PPP4R3A: variants seen among roughly 807,000 people sequenced by gnomAD.
PPP4R3A encodes the protein protein phosphatase 4 regulatory subunit 3A.
PPP4R3A carries 15 observed loss-of-function variants against 91.7 expected under a neutral mutation model. The ratio of observed to expected loss-of-function variants is 0.16; its 90% CI spans 0.11 to 0.25. The LOEUF is 0.25. Among genes scored for constraint, PPP4R3A ranks in the 10% least tolerant of loss-of-function variants. PPP4R3A has a pLI of 1.00. For missense variants in PPP4R3A, 623 were observed against 998.4 expected, an observed-to-expected ratio of 0.62 and a Z score of 5.07; for synonymous variants, 377 against 348.7, an observed-to-expected ratio of 1.08 and a Z score of -0.91.
Position 91,465,232 on chromosome 14 carries a change from T to G in PPP4R3A, c.1830+18A>C. The G allele has an allele frequency of 2.0e-6, 3 of 1,473,338 alleles. No individual in the cohort carries two copies. The highest frequency in any genetic ancestry group is 2.7e-6 in the Non-Finnish European group (3 of 1,110,048). The allele number at this position is 1,473,338 out of a possible 1,614,324, so 91.3% of individuals were successfully genotyped here. Reference sequence around the variant, plus strand: ...AAACAATTAAAATGAAAATTCTAATTAAAAATACAGAACCTACCACTCTAA... The same window carrying G: ...AAACAATTAAAATGAAAATTCTAATGAAAAATACAGAACCTACCACTCTAA... On this transcript the variant is annotated intron_variant, in intron 11 of 14. Transcript: ENST00000554943.
chr14:91,469,720 C>T (rs1421206082), intron 10 of PPP4R3A, among the ~76,000 whole-genome samples: 1 of 151,974 alleles, frequency 6.6e-6, no homozygotes, highest in East Asian at 1.9e-4. Flanking sequence ...AGGCGTGCAC[C>T]ACCACACCCA....
At chr14:91,464,558 G>A (rs1159691479) in intron 11 of PPP4R3A, among the ~76,000 whole-genome samples, 1 of 151,984 alleles carries the variant, frequency 6.6e-6, no homozygotes, top group African/African-American at 2.4e-5. Flanking sequence ...GAGCCCAGCT[G>A]GGCAACATAG....
At chr14:91,477,623 C>T (rs1465341782) in intron 4 of PPP4R3A, among the ~76,000 whole-genome samples, 1 of 152,178 alleles carries the variant, frequency 6.6e-6, no homozygotes, top group Non-Finnish European at 1.5e-5. Flanking sequence ...TTTCTCATCA[C>T]TATTTTTTCA....
At chr14:91,507,624 T>TATATATATA (rs1216080116) in intron 1 of PPP4R3A, among the ~76,000 whole-genome samples, 2 of 40,690 alleles carry the variant, frequency 4.9e-5, no homozygotes, top group African/African-American at 2.0e-4. Context: ...ATATATACTA[T>TATATATATA]TATATATACT....
At chr14:91,475,709 C>T in intron 7 of PPP4R3A, 102 bp downstream of exon 7, 1 of 1,196,488 alleles carries the variant, frequency 8.4e-7, no homozygotes, top group East Asian at 2.6e-5. Flanking sequence ...ATTATGGCTA[C>T]ACTTTTCCCA....
At chr14:91,484,778 G>A in intron 3 of PPP4R3A, among the ~76,000 whole-genome samples, 1 of 152,128 alleles carries the variant, frequency 6.6e-6, no homozygotes, top group East Asian at 1.9e-4. Context: ...GGAATCTGGT[G>A]AAGATTATTC....
At chr14:91,468,398 C>A (rs538165409) in intron 10 of PPP4R3A, among the ~76,000 whole-genome samples, 1 of 152,168 alleles carries the variant, frequency 6.6e-6, no homozygotes, top group East Asian at 1.9e-4. Context: ...GTAGGCTGGG[C>A]GCCATGGCTC....
intron 6 of PPP4R3A, 29 bp from the exon 7 acceptor site, chr14:91,475,995 G>C: frequency 6.6e-7 from 1 of 1,509,824 alleles, no homozygotes; most frequent in Non-Finnish European, 8.8e-7. Context: ...TATTTTTCCT[G>C]TATTTATAAA....
In PPP4R3A at chr14:91,473,449, G is replaced by A. The variant is rs150274806; in HGVS notation, c.1267-79C>T. ...AGCAAAAACTAAGACACATACCACA[G>A]CATTATACCTAGGCTCTAGCTGTTT... On this transcript the variant is annotated intron_variant, in intron 7 of 14. Transcript: ENST00000554943. 527 of 1,431,656 alleles carry A rather than the reference G, an allele frequency of 3.7e-4. 1 individual carries two copies. The highest frequency in any genetic ancestry group is 3.1e-3 in the Middle Eastern group (12 of 3,926). 88.7% of individuals were successfully genotyped at this position (1,431,656 alleles called of 1,614,324 possible). A position where few individuals can be genotyped will look rare whatever the true frequency, so the allele number is the denominator to read the frequency against.
chr14:91,490,919 T>TTA, intron 1 of PPP4R3A, 117 bp from the exon 2 acceptor site: 2 of 379,118 alleles, frequency 5.3e-6, no homozygotes, highest in Non-Finnish European at 8.5e-6. Context: ...TTTTTTTTTT[T>TTA]AATGAGACAG....
chr14:91,468,667 CAAAAAAAAAAAA>C (rs766250846), intron 10 of PPP4R3A, among the ~76,000 whole-genome samples: 3 of 45,050 alleles, frequency 6.7e-5, no homozygotes, highest in Non-Finnish European at 6.7e-5. Context: ...GACTCCGTCT[CAAAAAAAAAAAA>C]AAAAAAAAAA....
intron 3 of PPP4R3A, 46 bp downstream of exon 3, chr14:91,485,586 T>G (rs1490790423): frequency 1.4e-6 from 2 of 1,394,056 alleles, no homozygotes; most frequent in Non-Finnish European, 2.0e-6. Context: ...GGCAAAAAAC[T>G]AAACACTTAA....
rs1888967030 is a variant in PPP4R3A, at chr14:91,473,358, T to C, written c.1279A>G (p.Ile427Val). The change falls in exon 8 of 15, where the codon ATC becomes GTC. Residue 427 changes from isoleucine (I) to valine (V), a missense_variant. By Grantham distance (29) the Ile-to-Val change is conservative (BLOSUM62 3). This residue lies in a region of PPP4R3A where 264 missense variants were observed against 377.3 expected (regional missense o/e 0.70). Coordinates refer to ENST00000554943, the MANE Select transcript of PPP4R3A (RefSeq NM_001366432.2). ...QKITSKDILLINLIIEHMICD... is the reference protein window; with the variant it reads ...QKITSKDILLVNLIIEHMICD... ...ATCATATGTTCTATAATGAGGTTGATGAGCAAAATATCCTGGAGAGAAAAA... is the reference window on the plus strand; with the variant it reads ...ATCATATGTTCTATAATGAGGTTGACGAGCAAAATATCCTGGAGAGAAAAA... The C allele has an allele frequency of 1.2e-6, 2 of 1,611,730 alleles. No individual in the cohort carries two copies. The highest frequency in any genetic ancestry group is 3.4e-5 in the Admixed American group (2 of 59,386).
At chr14:91,477,087 A>G in intron 4 of PPP4R3A, 101 bp from the exon 5 acceptor site, 4 of 857,770 alleles carry the variant, frequency 4.7e-6, no homozygotes, top group Non-Finnish European at 6.8e-6. Context: ...TATAAAAAGG[A>G]AAGGTGGTAT....
chr14:91,461,244 G>T, intron 14 of PPP4R3A, 137 bp downstream of exon 14: 3 of 746,802 alleles, frequency 4.0e-6, no homozygotes, highest in East Asian at 5.2e-5. Context: ...TTCAAGCGGT[G>T]GGGGGGACTC....
intron 4 of PPP4R3A, 143 bp from the exon 5 acceptor site, chr14:91,477,129 A>G: frequency 1.6e-6 from 1 of 613,176 alleles, no homozygotes; most frequent in South Asian, 2.4e-5. Flanking sequence ...TTTTTTTAAC[A>G]GAAGGAAAAA....
chr14:91,460,031 A>G (rs1349929709), intron 14 of PPP4R3A, among the ~76,000 whole-genome samples: 3 of 151,638 alleles, frequency 2.0e-5, no homozygotes, highest in Non-Finnish European at 4.4e-5. Context: ...TTATTTTTTG[A>G]GATGGAGTCT....
At chr14:91,463,808 C>T (rs10134560) in intron 11 of PPP4R3A, among the ~76,000 whole-genome samples, 74,735 of 151,862 alleles carry the variant, frequency 0.49, 18,726 homozygotes, top group Admixed American at 0.53. Flanking sequence ...ATTTGTTATA[C>T]GGGTAAACTG....
chr14:91,499,820 CAAA>C lies in PPP4R3A; in HGVS notation c.143-9021_143-9019del, dbSNP rs3993928. Among the ~76,000 whole-genome samples, 280 of 120,380 alleles carry C rather than the reference CAAA, an allele frequency of 2.3e-3. 3 individuals carry two copies. Among genetic ancestry groups the C allele is most frequent in the Middle Eastern group, 8.9e-3 (2 of 224 alleles). 79.0% of individuals were successfully genotyped at this position (120,380 alleles called of 152,430 possible). On this transcript the variant is annotated intron_variant, in intron 1 of 14. Coordinates refer to ENST00000554943, the MANE Select transcript of PPP4R3A (RefSeq NM_001366432.2). ...TGGGTGACAGAGCGAGACTCCACCT[CAAA>C]AAAAAAAAAAAAAAAAAAGTTCCCT... is the stretch of plus-strand genomic sequence containing the variant.
Sources: gnomAD v4.1 joint callset for allele counts (sites outside exome capture counted in the v4.1 genomes callset) on GRCh38, gnomAD v4.1.1 for gene constraint, gnomAD v4.1.1 regional missense constraint, MANE v1.5 for transcripts, NCBI Gene and HGNC (gene_info 2026-07-23, HGNC 2026-07-21) for gene names.